The following XIAP variants were observed in gnomAD, a reference collection of about 807,000 sequenced individuals.
The protein encoded by XIAP is E3 ubiquitin-protein ligase XIAP.
A neutral mutation model predicts 33.1 loss-of-function variants in XIAP; 3 were observed. The ratio of observed to expected loss-of-function variants is 0.09; its 90% CI spans 0.04 to 0.23. The LOEUF (loss-of-function observed/expected upper bound fraction) is 0.23. Among genes scored for constraint, XIAP ranks in the 10% least tolerant of loss-of-function variants. The probability of loss-of-function intolerance (pLI) is 1.00; values close to 1 mark genes in which losing one functional copy is unlikely to be tolerated. For missense variants in XIAP, 264 were observed against 363.0 expected, an observed-to-expected ratio of 0.73 and a Z score of 2.22; for synonymous variants, 98 against 121.3, an observed-to-expected ratio of 0.81 and a Z score of 1.26.
Position 123,897,226 on chromosome X carries a change from C to T in XIAP, c.1100-3267C>T, listed in dbSNP as rs572870833. On this transcript the variant is annotated intron_variant, in intron 5 of 6. Transcript: ENST00000371199. ...TACAGGCGTGAGCCACCGTGCCCAG[C>T]GAAACATCTTTAATTTTTATGACAT... Among the ~76,000 whole-genome samples the T allele has an allele frequency of 1.3e-3, 145 of 111,971 alleles. 1 individual carries two copies. In the Middle Eastern group the frequency reaches 0.023, roughly 18 times the overall value.
At chrX:123,877,934 A>G (rs977215390) in intron 1 of XIAP, among the ~76,000 whole-genome samples, 2 of 108,734 alleles carry the variant, frequency 1.8e-5, no homozygotes, top group Non-Finnish European at 3.8e-5. Context: ...AGATCGCGCC[A>G]CTGCACTCCA....
At chrX:123,872,776 G>A (rs942123788) in intron 1 of XIAP, 3 of 111,816 alleles carry the variant, frequency 2.7e-5, no homozygotes, top group Non-Finnish European at 5.6e-5. Context: ...CACTCAAGCA[G>A]TGGACCAAAA....
chrX:123,906,422 C>T (rs1231624147), intron 6 of XIAP, among the ~76,000 whole-genome samples: 1 of 111,905 alleles, frequency 8.9e-6, no homozygotes, highest in Non-Finnish European at 1.9e-5. Flanking sequence ...ATATCCTTGT[C>T]AGCCAAGCTA....
rs1461456587 is a variant in XIAP, at chrX:123,899,165, ATGATTT to A, written c.1100-1326_1100-1321del. On this transcript the variant is annotated intron_variant, in intron 5 of 6. Coordinates refer to ENST00000371199, the MANE Select transcript of XIAP (RefSeq NM_001167.4). ...AAAAAATATATATATATATATATATATGATTTTATATATATATGATTTTATATATAT... is the reference window on the plus strand; with the variant it reads ...AAAAAATATATATATATATATATATATATATATATATGATTTTATATATAT... Among the ~76,000 whole-genome samples, 9 of 32,344 alleles carry A rather than the reference ATGATTT, an allele frequency of 2.8e-4. 1 individual carries two copies. Among genetic ancestry groups the A allele is most frequent in the Admixed American group, 3.8e-4 (1 of 2,619 alleles). The allele number at this position is 32,344 out of a possible 115,157, so 28.1% of individuals were successfully genotyped here. A position where few individuals can be genotyped will look rare whatever the true frequency, so the allele number is the denominator to read the frequency against.
In XIAP at chrX:123,910,661, A is replaced by T; in HGVS notation, c.*3480A>T. ...GAGGCAGGTGGATCACGAGGTCAGGAGATCGAGACCATCCTGGCTAACACG... is the reference window on the plus strand; with the variant it reads ...GAGGCAGGTGGATCACGAGGTCAGGTGATCGAGACCATCCTGGCTAACACG... On this transcript the variant is annotated 3_prime_UTR_variant, in exon 7 of 7. Coordinates refer to ENST00000371199, the MANE Select transcript of XIAP (RefSeq NM_001167.4). The T allele has an allele frequency of 3.1e-6, 1 of 321,718 alleles. No homozygotes were observed. The allele number at this position is 321,718 out of a possible 1,213,427, so 26.5% of individuals were successfully genotyped here.
At chrX:123,888,866 C>T (rs2053377864) in intron 3 of XIAP, 148 bp downstream of exon 3, 1 of 502,782 alleles carries the variant, frequency 2.0e-6, no homozygotes, top group South Asian at 2.9e-5. Context: ...TATAAGCCTT[C>T]TCTGATGACC....
Position 123,913,174 on chromosome X carries a change from C to G in XIAP, c.*5993C>G, listed in dbSNP as rs779574226. The G allele has an allele frequency of 6.1e-6, 2 of 326,602 alleles. No homozygotes were observed. 26.9% of individuals were successfully genotyped at this position (326,602 alleles called of 1,213,427 possible). ...GGATAGCAAGGGACAATTGTATCTT[C>G]AAAGTAGACAAATGGCGCCGGGCAC... On this transcript the variant is annotated 3_prime_UTR_variant, in exon 7 of 7. Transcript: ENST00000371199.
intron 1 of XIAP, among the ~76,000 whole-genome samples, chrX:123,860,961 T>A (rs1296972844): frequency 8.9e-6 from 1 of 111,892 alleles, no homozygotes; most frequent in Non-Finnish European, 1.9e-5. Context: ...TCAAATATAA[T>A]TATGTCGCTA....
At chrX:123,899,259 G>A (rs987173632) in intron 5 of XIAP, among the ~76,000 whole-genome samples, 1 of 74,300 alleles carries the variant, frequency 1.3e-5, no homozygotes, top group African/African-American at 5.2e-5. Flanking sequence ...ATATGATTTT[G>A]TATATATATG....
At chrX:123,879,390 C>T (rs964386445) in intron 1 of XIAP, 2 of 101,474 alleles carry the variant, frequency 2.0e-5, no homozygotes, top group African/African-American at 7.3e-5. Flanking sequence ...AATCTCGGCT[C>T]ACTGCAAGCT....
chrX:123,886,043 T>C lies in XIAP; in HGVS notation c.381T>C (p.Phe127=). 1 of 1,212,023 alleles carries C rather than the reference T, an allele frequency of 8.3e-7. No individual in the cohort carries two copies. The highest frequency in any genetic ancestry group is 3.0e-5 in the East Asian group (1 of 33,883). The change falls in exon 2 of 7, where the codon TTT becomes TTC. Residue 127 remains phenylalanine, a synonymous_variant. Transcript: ENST00000371199. ...VENYLGSRDH[F]ALDRPSETHA... ...ACTATCTGGGAAGCAGAGATCATTTTGCCTTAGACAGGCCATCTGAGACAC... is the reference window on the plus strand; with the variant it reads ...ACTATCTGGGAAGCAGAGATCATTTCGCCTTAGACAGGCCATCTGAGACAC...
chrX:123,865,193 AT>A (rs771872153), intron 1 of XIAP, among the ~76,000 whole-genome samples: 1 of 110,019 alleles, frequency 9.1e-6, no homozygotes, highest in Non-Finnish European at 1.9e-5. Context: ...GTGAGTAGAT[AT>A]GAAGAGACAA....
chrX:123,898,086 T>G (rs1290419399), intron 5 of XIAP, among the ~76,000 whole-genome samples: 1 of 112,227 alleles, frequency 8.9e-6, no homozygotes, highest in African/African-American at 3.2e-5. Context: ...TTTTCTCCTG[T>G]ATTGGTTAAT....
chrX:123,890,174 G>A (rs1382867749), intron 3 of XIAP, among the ~76,000 whole-genome samples: 2 of 101,269 alleles, frequency 2.0e-5, no homozygotes, highest in African/African-American at 7.2e-5. Context: ...CCGCTACCAC[G>A]CCCGGCTAAT....
At chrX:123,870,074 C>T (rs1275379215) in intron 1 of XIAP, among the ~76,000 whole-genome samples, 2 of 112,649 alleles carry the variant, frequency 1.8e-5, no homozygotes, top group Non-Finnish European at 3.7e-5. Flanking sequence ...ATTCTCGTGC[C>T]TCAGCCTCCT....
chrX:123,904,390 C>T (rs2053542010), intron 6 of XIAP, among the ~76,000 whole-genome samples: 1 of 111,210 alleles, frequency 9.0e-6, no homozygotes, highest in Admixed American at 9.6e-5. Context: ...GCTTATAGTG[C>T]CGTTTCTTTA....
At chrX:123,884,095 G>C (rs1477381619) in intron 1 of XIAP, among the ~76,000 whole-genome samples, 2 of 112,241 alleles carry the variant, frequency 1.8e-5, no homozygotes, top group Non-Finnish European at 3.8e-5. Flanking sequence ...TCCATTGCCA[G>C]CTTGCTTTGT....
Position 123,912,216 on chromosome X carries a change from GA to G in XIAP, c.*5047del, listed in dbSNP as rs368295939. On this transcript the variant is annotated 3_prime_UTR_variant, in exon 7 of 7. Transcript: ENST00000371199. ...ACCAAGGAGGAATTGAAAACACTGA[GA>G]AAAAAAAAAAAGACCACACAATAAA... is the stretch of plus-strand genomic sequence containing the variant. 6,453 of 172,000 alleles carry G rather than the reference GA, an allele frequency of 0.038. 157 individuals carry two copies. The highest frequency in any genetic ancestry group is 0.18 in the African/African-American group (3,430 of 18,716). 14.2% of individuals were successfully genotyped at this position (172,000 alleles called of 1,213,427 possible).
intron 1 of XIAP, among the ~76,000 whole-genome samples, chrX:123,864,602 G>A (rs751765346): frequency 9.3e-6 from 1 of 107,822 alleles, no homozygotes; most frequent in South Asian, 4.1e-4. Context: ...AAGTAGCTGG[G>A]ACTACAGGCA....
Sources: allele counts gnomAD v4.1 joint callset (sites outside exome capture counted in the v4.1 genomes callset), GRCh38; gene constraint gnomAD v4.1.1; transcripts MANE v1.5; gene names NCBI Gene and HGNC (gene_info 2026-07-23, HGNC 2026-07-21).